The following SORCS3 variants were observed in gnomAD, a reference collection of about 807,000 sequenced individuals.
SORCS3 encodes the protein VPS10 domain-containing receptor SorCS3.
SORCS3 carries 57 observed loss-of-function variants against 146.3 expected under a neutral mutation model. That is an observed-to-expected ratio of 0.39 (90% CI 0.31 to 0.49). SORCS3 has a LOEUF of 0.49. SORCS3 is among the 20% of genes least tolerant of loss of function. SORCS3 has a pLI of 0.92. For missense variants in SORCS3, 1,341 were observed against 1,575.5 expected (o/e 0.85, Z 2.52); for synonymous variants, 653 against 618.5 (o/e 1.06, Z -0.83).
At chr10:104,787,057 G>A (rs746835666) in intron 1 of SORCS3, among the ~76,000 whole-genome samples, 1 of 152,182 alleles carries the variant, frequency 6.6e-6, no homozygotes, top group Non-Finnish European at 1.5e-5. Flanking sequence ...GCACAGTCAT[G>A]GACAGTCACC....
intron 3 of SORCS3, among the ~76,000 whole-genome samples, chr10:104,958,097 C>T (rs572944430): frequency 6.6e-6 from 1 of 152,216 alleles, no homozygotes; most frequent in Admixed American, 6.5e-5. Flanking sequence ...CTATTTGGTT[C>T]TTTTCTGCCT....
intron 3 of SORCS3, among the ~76,000 whole-genome samples, chr10:104,939,170 G>T (rs757649721): frequency 6.6e-6 from 1 of 152,222 alleles, no homozygotes; most frequent in Non-Finnish European, 1.5e-5. Flanking sequence ...TGGAGGAGAC[G>T]AGGAAGGAGG....
At chr10:104,838,328 G>T (rs1419234917) in intron 1 of SORCS3, among the ~76,000 whole-genome samples, 1 of 152,044 alleles carries the variant, frequency 6.6e-6, no homozygotes, top group Non-Finnish European at 1.5e-5. Context: ...CTTGTTAGGT[G>T]GGTTTATTGC....
chr10:104,720,876 G>A (rs985386600), intron 1 of SORCS3, among the ~76,000 whole-genome samples: 1 of 151,910 alleles, frequency 6.6e-6, no homozygotes, highest in Admixed American at 6.6e-5. Context: ...CTGGATATTA[G>A]CCCTTTATCA....
chr10:104,844,542 C>A (rs1205343395), intron 2 of SORCS3, among the ~76,000 whole-genome samples: 4 of 152,028 alleles, frequency 2.6e-5, no homozygotes, highest in African/African-American at 9.7e-5. Flanking sequence ...CAGTATGTAC[C>A]AAGAGACACT....
chr10:104,859,478 T>G (rs2018375436), intron 2 of SORCS3, among the ~76,000 whole-genome samples: 1 of 152,182 alleles, frequency 6.6e-6, no homozygotes, highest in Admixed American at 6.5e-5. Flanking sequence ...GAAGAAAACC[T>G]AGGCATTACC....
At chr10:104,831,912 C>T (rs1452726018) in intron 1 of SORCS3, among the ~76,000 whole-genome samples, 1 of 152,194 alleles carries the variant, frequency 6.6e-6, no homozygotes, top group Non-Finnish European at 1.5e-5. Flanking sequence ...CACACACATT[C>T]TGAGCCTTCT....
rs1050345757 is a variant in SORCS3, at chr10:105,029,006, G to A, written c.955-14049G>A. On this transcript the variant is annotated intron_variant, in intron 4 of 26. Coordinates refer to ENST00000369701, the MANE Select transcript of SORCS3 (RefSeq NM_014978.3). ...ACAACAGCTCAACTCTAATGAAAGT[G>A]TGGCTATGTTCCAATCAAACTATCT... is the stretch of plus-strand genomic sequence containing the variant. 4.6e-5 allele frequency among the ~76,000 whole-genome samples: 7 copies of A among 152,206 alleles called. No individual in the cohort carries two copies. In the South Asian group the frequency reaches 1.0e-3, roughly 22 times the overall value.
At chr10:104,993,225 A>AT (rs2055005077) in intron 4 of SORCS3, among the ~76,000 whole-genome samples, 1 of 152,212 alleles carries the variant, frequency 6.6e-6, no homozygotes, top group African/African-American at 2.4e-5. Flanking sequence ...CAAATGCACT[A>AT]AGTGGAAGAG....
intron 1 of SORCS3, among the ~76,000 whole-genome samples, chr10:104,789,140 T>C (rs1407714362): frequency 6.6e-6 from 1 of 152,150 alleles, no homozygotes; most frequent in Non-Finnish European, 1.5e-5. Context: ...ACTAGTGTGG[T>C]GTGTCCCTTT....
chr10:105,171,605 C>T (rs1037840351), intron 13 of SORCS3, among the ~76,000 whole-genome samples: 12 of 152,270 alleles, frequency 7.9e-5, no homozygotes, highest in African/African-American at 2.9e-4. Flanking sequence ...ACAATAGTTC[C>T]AAACAATACA....
intron 9 of SORCS3, 45 bp from the exon 10 acceptor site, chr10:105,157,093 C>T: frequency 6.2e-7 from 1 of 1,602,922 alleles, no homozygotes; most frequent in Non-Finnish European, 8.5e-7. Context: ...AGACCAAAGG[C>T]ATGTTGGCCC....
At chr10:105,167,406 G>A in intron 13 of SORCS3, 57 bp downstream of exon 13, 3 of 1,243,530 alleles carry the variant, frequency 2.4e-6, no homozygotes, top group South Asian at 1.2e-5. Flanking sequence ...TAGTGGAGAG[G>A]ATTGTGATGA....
chr10:105,230,362 C>T (rs1021798080), intron 20 of SORCS3, among the ~76,000 whole-genome samples: 14 of 152,038 alleles, frequency 9.2e-5, no homozygotes, highest in Non-Finnish European at 1.3e-4. Flanking sequence ...TGCCCTGCTA[C>T]TGGAGAGGGC....
intron 4 of SORCS3, among the ~76,000 whole-genome samples, chr10:105,003,699 A>G (rs2055075279): frequency 6.6e-6 from 1 of 152,104 alleles, no homozygotes; most frequent in Non-Finnish European, 1.5e-5. Flanking sequence ...GAAGCAGGGA[A>G]CTTGACATGG....
At chr10:104,981,245 C>A (rs959104013) in intron 4 of SORCS3, among the ~76,000 whole-genome samples, 1 of 152,100 alleles carries the variant, frequency 6.6e-6, no homozygotes, top group Admixed American at 6.5e-5. Context: ...GATTCTCCTG[C>A]CATCTTGCAT....
At chr10:105,006,014 G>A (rs889441251) in intron 4 of SORCS3, among the ~76,000 whole-genome samples, 1 of 152,020 alleles carries the variant, frequency 6.6e-6, no homozygotes, top group African/African-American at 2.4e-5. Context: ...GCGCCATCTC[G>A]GCTCACAACT....
intron 1 of SORCS3, among the ~76,000 whole-genome samples, chr10:104,841,746 T>G (rs1436982291): frequency 6.6e-6 from 1 of 152,168 alleles, no homozygotes; most frequent in African/African-American, 2.4e-5. Context: ...GGAAAGAATT[T>G]AATGGTTGCT....
intron 14 of SORCS3, among the ~76,000 whole-genome samples, chr10:105,193,048 T>C (rs1424338718): frequency 6.6e-6 from 1 of 152,200 alleles, no homozygotes; most frequent in Non-Finnish European, 1.5e-5. Flanking sequence ...TAACCCTCTC[T>C]GTGTATAGAA....
Sources: gnomAD v4.1 joint callset for allele counts (sites outside exome capture counted in the v4.1 genomes callset) on GRCh38, gnomAD v4.1.1 for gene constraint, MANE v1.5 for transcripts, NCBI Gene and HGNC (gene_info 2026-07-23, HGNC 2026-07-21) for gene names.